The following IMMP2L variants were observed in gnomAD, a reference collection of about 807,000 sequenced individuals.
The protein encoded by IMMP2L is inner mitochondrial membrane peptidase subunit 2, also known as mitochondrial inner membrane protease subunit 2.
IMMP2L carries 18 observed loss-of-function variants against 19.3 expected under a neutral mutation model. That is an observed-to-expected ratio of 0.93 (90% CI 0.64 to 1.38). The LOEUF (loss-of-function observed/expected upper bound fraction) is 1.38. IMMP2L is among the 40% of genes most tolerant of loss of function. IMMP2L has a pLI of 0.00. For synonymous variants in IMMP2L, 76 were observed against 73.0 expected (o/e 1.04, Z -0.21); for missense variants, 233 against 218.2 (o/e 1.07, Z -0.43).
intron 5 of IMMP2L, among the ~76,000 whole-genome samples, chr7:110,729,544 C>G (rs932979483): frequency 1.1e-4 from 16 of 152,306 alleles, no homozygotes; most frequent in Non-Finnish European, 8.8e-5. Flanking sequence ...CAGAACCAAA[C>G]CATACTAACA....
chr7:110,842,925 C>T (rs73419238), intron 5 of IMMP2L, among the ~76,000 whole-genome samples: 4,342 of 151,908 alleles, frequency 0.029, 113 homozygotes, highest in African/African-American at 0.076. Flanking sequence ...GCAGGCTACC[C>T]GAATGGAAAT....
chr7:110,789,877 C>T (rs1800346148), intron 5 of IMMP2L, among the ~76,000 whole-genome samples: 1 of 151,636 alleles, frequency 6.6e-6, no homozygotes, highest in Non-Finnish European at 1.5e-5. Flanking sequence ...TGTGGCCACT[C>T]TTTCATTTCC....
intron 3 of IMMP2L, among the ~76,000 whole-genome samples, chr7:111,339,886 A>C (rs183088204): frequency 5.3e-4 from 80 of 152,160 alleles, no homozygotes; most frequent in African/African-American, 1.9e-3. Flanking sequence ...ATATCAAATA[A>C]GGATGCTATG....
chr7:110,963,475 C>A (rs370592056), intron 4 of IMMP2L, 25 bp downstream of exon 4: 1 of 1,513,586 alleles, frequency 6.6e-7, no homozygotes. Context: ...AAAACTTGAA[C>A]TCAGAAACAA....
At chr7:110,828,699 A>G (rs1803711149) in intron 5 of IMMP2L, among the ~76,000 whole-genome samples, 1 of 152,154 alleles carries the variant, frequency 6.6e-6, no homozygotes. Context: ...TGTAAAGTTC[A>G]ATTATGAGTA....
At chr7:111,104,272 T>C (rs1010550717) in intron 3 of IMMP2L, among the ~76,000 whole-genome samples, 2 of 151,694 alleles carry the variant, frequency 1.3e-5, no homozygotes, top group African/African-American at 2.4e-5. Flanking sequence ...TGATTTTCCT[T>C]CTCCCACTCC....
intron 3 of IMMP2L, among the ~76,000 whole-genome samples, chr7:111,121,440 A>T (rs1317433442): frequency 6.6e-6 from 1 of 152,202 alleles, no homozygotes; most frequent in Non-Finnish European, 1.5e-5. Flanking sequence ...GACAATTCTC[A>T]AAAGAAGACA....
chr7:111,512,557 T>C (rs762545782), intron 2 of IMMP2L, among the ~76,000 whole-genome samples: 3 of 152,088 alleles, frequency 2.0e-5, no homozygotes, highest in Non-Finnish European at 2.9e-5. Flanking sequence ...ACAGATTCAA[T>C]TGCACTATCT....
chr7:110,999,774 G>A (rs560294515), intron 3 of IMMP2L, among the ~76,000 whole-genome samples: 14 of 152,194 alleles, frequency 9.2e-5, no homozygotes, highest in South Asian at 2.1e-4. Flanking sequence ...AAGGAGGGTG[G>A]GGTTGCTGTT....
At position 110,667,812 on chromosome 7, in the gene IMMP2L, G is replaced by C. The variant is rs139577060; in HGVS notation, c.409-4091C>G. Among the ~76,000 whole-genome samples, 436 of 152,252 alleles carry C rather than the reference G, an allele frequency of 2.9e-3. 2 individuals are homozygous for C. Among genetic ancestry groups the C allele is most frequent in the African/African-American group, 0.01 (417 of 41,544 alleles). On this transcript the variant is annotated intron_variant, in intron 5 of 5. Coordinates refer to ENST00000405709, the MANE Select transcript of IMMP2L (RefSeq NM_032549.4). ...CTGTTGTAAGGAGATACATTTATGGGAATTTATTAGATCAGCAATAGGAAA... is the reference window on the plus strand; with the variant it reads ...CTGTTGTAAGGAGATACATTTATGGCAATTTATTAGATCAGCAATAGGAAA...
chr7:111,124,649 C>T, intron 3 of IMMP2L: 1 of 1,613,882 alleles, frequency 6.2e-7, no homozygotes, highest in Admixed American at 1.7e-5. Context: ...AAGAATAATA[C>T]CACAACACTT....
intron 3 of IMMP2L, among the ~76,000 whole-genome samples, chr7:111,127,838 A>C (rs965124611): frequency 6.6e-6 from 1 of 152,212 alleles, no homozygotes; most frequent in African/African-American, 2.4e-5. Context: ...GAAGAATTAC[A>C]TATTTTATAA....
At chr7:110,782,490 A>G (rs912055778) in intron 5 of IMMP2L, among the ~76,000 whole-genome samples, 1 of 151,900 alleles carries the variant, frequency 6.6e-6, no homozygotes, top group African/African-American at 2.4e-5. Flanking sequence ...ACAGATGGAA[A>G]GGCACCTCTA....
chr7:110,994,133 C>CTTTTTTTTTTTT (rs532276576), intron 3 of IMMP2L, among the ~76,000 whole-genome samples: 1 of 149,352 alleles, frequency 6.7e-6, no homozygotes. Flanking sequence ...TACTCTCTCT[C>CTTTTTTTTTTTT]TTTTTTTTTT....
intron 3 of IMMP2L, among the ~76,000 whole-genome samples, chr7:111,113,703 G>C (rs1425334470): frequency 2.6e-5 from 4 of 152,082 alleles, no homozygotes; most frequent in Non-Finnish European, 4.4e-5. Flanking sequence ...TTGAAAGAGG[G>C]TCTACATGAG....
rs1421716105 is a variant in IMMP2L at position 110,757,958 on chromosome 7, G to T, written c.409-94237C>A. 6.6e-6 allele frequency among the ~76,000 whole-genome samples: 1 copy of T among 152,058 alleles called. No individual in the cohort carries two copies. The highest frequency in any genetic ancestry group is 1.5e-5 in the Non-Finnish European group (1 of 67,974). ...TGGGATTGGGAATTCTTGGGTAGAA[G>T]TAGGAGTGATGTAGTAAATGAGTTC... On this transcript the variant is annotated intron_variant, in intron 5 of 5. Transcript: ENST00000405709. This position sits in a 1 kb window ranked among gnomAD's most constrained non-coding sequence, Gnocchi z 4.2.
chr7:110,667,890 C>T (rs781009149), intron 5 of IMMP2L, among the ~76,000 whole-genome samples: 3 of 152,178 alleles, frequency 2.0e-5, no homozygotes, highest in Admixed American at 6.5e-5. Flanking sequence ...CCACCCCATC[C>T]GCAATAGGTA....
intron 3 of IMMP2L, among the ~76,000 whole-genome samples, chr7:111,338,516 T>C (rs1563076568): frequency 1.3e-5 from 2 of 152,056 alleles, no homozygotes; most frequent in Non-Finnish European, 2.9e-5. Context: ...CAATCATATA[T>C]AATAAGTACA....
intron 1 of IMMP2L, among the ~76,000 whole-genome samples, chr7:111,539,191 GGAGGGAGAAAGAAAGAAAGAAAGAAAGAA>G (rs1848223846): frequency 2.0e-4 from 9 of 45,670 alleles, no homozygotes; most frequent in African/African-American, 1.0e-3. Flanking sequence ...AAGGAAGGAA[GGAGGGAGAAAGAAAGAAAGAAAGAAAGAA>G]AGAAAGAAAG....
Sources: gnomAD v4.1 joint callset for allele counts (sites outside exome capture counted in the v4.1 genomes callset) on GRCh38, gnomAD v4.1.1 for gene constraint, Gnocchi (gnomAD v3.1) non-coding constraint, MANE v1.5 for transcripts, NCBI Gene and HGNC (gene_info 2026-07-23, HGNC 2026-07-21) for gene names.